Variants in DPP10 observed in about 807,000 individuals in gnomAD.
The protein encoded by DPP10 is inactive dipeptidyl peptidase 10.
In DPP10, 33 loss-of-function variants were observed where a neutral mutation model predicts 120.9. The ratio of observed to expected loss-of-function variants is 0.27; its 90% CI spans 0.21 to 0.37. The LOEUF is 0.37. DPP10 is among the 10% of genes least tolerant of loss of function. DPP10 has a pLI of 1.00. For synonymous variants in DPP10, 337 were observed against 326.1 expected (o/e 1.03, Z -0.36); for missense variants, 816 against 942.8 (o/e 0.87, Z 1.76).
intron 1 of DPP10, among the ~76,000 whole-genome samples, chr2:115,296,627 A>G (rs2060895398): frequency 6.6e-6 from 1 of 152,112 alleles, no homozygotes; most frequent in African/African-American, 2.4e-5. Context: ...TCTAACAAAC[A>G]TCATCAGGGA....
At chr2:115,377,211 C>G (rs2065880854) in intron 3 of DPP10, among the ~76,000 whole-genome samples, 1 of 151,594 alleles carries the variant, frequency 6.6e-6, no homozygotes, top group African/African-American at 2.4e-5. Context: ...TCTCCAGCAC[C>G]TGTTGTTTCC....
intron 1 of DPP10, among the ~76,000 whole-genome samples, chr2:114,837,130 T>A (rs1006014488): frequency 9.2e-5 from 14 of 152,148 alleles, no homozygotes; most frequent in African/African-American, 2.7e-4. Context: ...GATTAAGAGA[T>A]TAAAGTAAAG....
At chr2:114,670,303 G>A (rs1001504930) in intron 1 of DPP10, among the ~76,000 whole-genome samples, 2 of 152,124 alleles carry the variant, frequency 1.3e-5, no homozygotes, top group Non-Finnish European at 2.9e-5. Flanking sequence ...ATGATAGACT[G>A]GATTAAGAAA....
intron 1 of DPP10, among the ~76,000 whole-genome samples, chr2:114,978,269 A>G (rs1452898974): frequency 6.6e-6 from 1 of 152,196 alleles, no homozygotes. Flanking sequence ...TGAGTGAAGA[A>G]CCAATATATT....
At chr2:114,818,124 AAG>A (rs148498092) in intron 1 of DPP10, among the ~76,000 whole-genome samples, 4 of 151,216 alleles carry the variant, frequency 2.6e-5, no homozygotes, top group Admixed American at 6.6e-5. Flanking sequence ...ACTGCCCAAA[AAG>A]AGAGAGAGAG....
chr2:115,716,729 CA>C (rs2092507371), intron 7 of DPP10, among the ~76,000 whole-genome samples: 1 of 148,144 alleles, frequency 6.8e-6, no homozygotes, highest in African/African-American at 2.6e-5. Context: ...AACAAACAAA[CA>C]AACACTATTT....
chr2:114,607,807 C>T (rs1349465212), intron 1 of DPP10, among the ~76,000 whole-genome samples: 1 of 152,210 alleles, frequency 6.6e-6, no homozygotes, highest in African/African-American at 2.4e-5. Context: ...GACTTTCAGA[C>T]TCCCACTATG....
intron 5 of DPP10, among the ~76,000 whole-genome samples, chr2:115,599,274 T>G (rs2083175303): frequency 6.6e-6 from 1 of 152,142 alleles, no homozygotes; most frequent in South Asian, 2.1e-4. Context: ...CTCCATTTTC[T>G]TTCTCTCCCC....
chr2:115,483,475 C>CTG (rs1553426863), intron 3 of DPP10, among the ~76,000 whole-genome samples: 4,527 of 84,890 alleles, frequency 0.053, 70 homozygotes, highest in Middle Eastern at 0.074. Flanking sequence ...ATCTATCTAT[C>CTG]TATCTGTATG....
intron 5 of DPP10, among the ~76,000 whole-genome samples, chr2:115,528,213 G>A (rs2078247711): frequency 1.3e-5 from 2 of 151,990 alleles, no homozygotes; most frequent in African/African-American, 2.4e-5. Flanking sequence ...AATGTTGTGG[G>A]GTGGGGGAGT....
At chr2:115,043,338 T>C (rs1280420942) in intron 1 of DPP10, among the ~76,000 whole-genome samples, 2 of 152,220 alleles carry the variant, frequency 1.3e-5, no homozygotes, top group Non-Finnish European at 2.9e-5. Context: ...ATAAGTTGAT[T>C]GGCCTTAAAT....
intron 1 of DPP10, among the ~76,000 whole-genome samples, chr2:115,115,876 A>G (rs2049478791): frequency 6.6e-6 from 1 of 152,186 alleles, no homozygotes; most frequent in Admixed American, 6.5e-5. Context: ...CACAACCTAC[A>G]CAGTATTCAG....
At chr2:114,854,143 C>T (rs1689186977) in intron 1 of DPP10, among the ~76,000 whole-genome samples, 1 of 152,196 alleles carries the variant, frequency 6.6e-6, no homozygotes, top group Non-Finnish European at 1.5e-5. Flanking sequence ...TGGGATCACA[C>T]ATAGAGTCAT....
At chr2:115,602,767 T>C (rs1287293094) in intron 5 of DPP10, among the ~76,000 whole-genome samples, 1 of 152,168 alleles carries the variant, frequency 6.6e-6, no homozygotes, top group Non-Finnish European at 1.5e-5. Context: ...ACTCAGAGCT[T>C]TGCTAATTGC....
At chr2:115,511,727 TC>T (rs61235496) in intron 4 of DPP10, among the ~76,000 whole-genome samples, 25,297 of 114,054 alleles carry the variant, frequency 0.22, 3,174 homozygotes, top group East Asian at 0.47. Flanking sequence ...TTCTTCTTCT[TC>T]TTCTTTTTTT....
chr2:114,973,661 C>CAAAAAAAAAAAAAA (rs58042446), intron 1 of DPP10, among the ~76,000 whole-genome samples: 2 of 70,996 alleles, frequency 2.8e-5, no homozygotes, highest in African/African-American at 1.3e-4. Flanking sequence ...GACTCCGTCT[C>CAAAAAAAAAAAAAA]AAAAAAAAAA....
At chr2:115,016,946 C>T (rs1261036836) in intron 1 of DPP10, among the ~76,000 whole-genome samples, 4 of 151,422 alleles carry the variant, frequency 2.6e-5, no homozygotes, top group African/African-American at 9.7e-5. Flanking sequence ...TCTCAGTAAA[C>T]TATCGCAAGG....
chr2:115,375,694 G>T (rs1033476482), intron 3 of DPP10, among the ~76,000 whole-genome samples: 1 of 152,158 alleles, frequency 6.6e-6, no homozygotes, highest in African/African-American at 2.4e-5. Flanking sequence ...AGTTCCACAG[G>T]CTTAACACAA....
chr2:115,517,371 TCTAA>T (rs1204948757), intron 4 of DPP10, among the ~76,000 whole-genome samples: 2 of 152,192 alleles, frequency 1.3e-5, no homozygotes, highest in Non-Finnish European at 2.9e-5. Context: ...CTGGTTAATG[TCTAA>T]CTCAGTTTGC....
Sources: gnomAD v4.1 joint callset for allele counts (sites outside exome capture counted in the v4.1 genomes callset) on GRCh38, gnomAD v4.1.1 for gene constraint, MANE v1.5 for transcripts, NCBI Gene and HGNC (gene_info 2026-07-23, HGNC 2026-07-21) for gene names.